The following ABTB2 variants were observed in gnomAD, a reference collection of about 807,000 sequenced individuals.
The protein encoded by ABTB2 is ankyrin repeat and BTB domain containing 2, also known as ankyrin repeat and BTB/POZ domain-containing protein 2.
A neutral mutation model predicts 104.1 loss-of-function variants in ABTB2; 56 were observed. That is an observed-to-expected ratio of 0.54 (90% CI 0.43 to 0.67). ABTB2 has a LOEUF of 0.67. Ranked by LOEUF, ABTB2 falls within the 30% of genes least tolerant of loss-of-function variation. The pLI is 0.00. For synonymous variants in ABTB2, 606 were observed against 608.2 expected, an observed-to-expected ratio of 1.00 and a Z score of 0.05; for missense variants, 1,279 against 1,407.7, an observed-to-expected ratio of 0.91 and a Z score of 1.46.
chr11:34,355,186 C>T (rs1855450710), intron 1 of ABTB2, among the ~76,000 whole-genome samples: 1 of 152,132 alleles, frequency 6.6e-6, no homozygotes, highest in African/African-American at 2.4e-5. Flanking sequence ...TCAAAATGGG[C>T]CTAACATGTC....
intron 5 of ABTB2, among the ~76,000 whole-genome samples, chr11:34,169,009 C>A (rs931948057): frequency 4.6e-5 from 7 of 152,336 alleles, no homozygotes; most frequent in African/African-American, 1.7e-4. Flanking sequence ...AAGCAATGGC[C>A]TGAGATTAAT....
intron 1 of ABTB2, among the ~76,000 whole-genome samples, chr11:34,290,685 AT>A (rs1273760368): frequency 6.6e-6 from 1 of 152,198 alleles, no homozygotes; most frequent in Non-Finnish European, 1.5e-5. Flanking sequence ...TCTATAAAAA[AT>A]GAAAAAAGAA....
Position 34,158,466 on chromosome 11 carries a change from CTG to C in ABTB2, c.2697+828_2697+829del, listed in dbSNP as rs905202880. Among the ~76,000 whole-genome samples, 3 of 152,174 alleles carry C rather than the reference CTG, an allele frequency of 2.0e-5. 1 individual carries two copies. The highest frequency in any genetic ancestry group is 3.9e-4 in the East Asian group (2 of 5,188). On this transcript the variant is annotated intron_variant, in intron 14 of 16. Coordinates refer to ENST00000435224, the MANE Select transcript of ABTB2 (RefSeq NM_145804.3). ...TGGCCCCATGTGCTTCTGTGAGACT[CTG>C]GGGTTTGCAATCTCTCCTATTATAT... is the stretch of plus-strand genomic sequence containing the variant.
chr11:34,285,648 G>T (rs1054043743), intron 1 of ABTB2, among the ~76,000 whole-genome samples: 1 of 152,104 alleles, frequency 6.6e-6, no homozygotes, highest in South Asian at 2.1e-4. Context: ...GCCGTCACAC[G>T]TGCACAAAAT....
intron 1 of ABTB2, among the ~76,000 whole-genome samples, chr11:34,242,978 G>A (rs923728642): frequency 6.6e-6 from 1 of 152,130 alleles, no homozygotes; most frequent in Admixed American, 6.5e-5. Context: ...AGGAAGCTGG[G>A]TGTCTCTTGT....
intron 2 of ABTB2, among the ~76,000 whole-genome samples, chr11:34,201,240 C>A (rs185145222): frequency 6.6e-6 from 1 of 151,728 alleles, no homozygotes; most frequent in Admixed American, 6.6e-5. Flanking sequence ...CCAGAAACAC[C>A]CCCCAGGCAA....
chr11:34,215,072 T>C (rs915705460), intron 1 of ABTB2, among the ~76,000 whole-genome samples: 1 of 152,226 alleles, frequency 6.6e-6, no homozygotes, highest in South Asian at 2.1e-4. Flanking sequence ...TGGGACTTTC[T>C]GTGGCATCTT....
chr11:34,268,890 G>A (rs1854279844), intron 1 of ABTB2, among the ~76,000 whole-genome samples: 1 of 152,138 alleles, frequency 6.6e-6, no homozygotes, highest in Non-Finnish European at 1.5e-5. Context: ...TTGGATGGGG[G>A]ACCCACCCTA....
chr11:34,284,912 C>G (rs911131571), intron 1 of ABTB2, among the ~76,000 whole-genome samples: 4 of 152,298 alleles, frequency 2.6e-5, no homozygotes, highest in Non-Finnish European at 5.9e-5. Context: ...TTTTTCATCA[C>G]TGACACTCAG....
At chr11:34,329,846 G>A (rs1448895635) in intron 1 of ABTB2, among the ~76,000 whole-genome samples, 1 of 152,232 alleles carries the variant, frequency 6.6e-6, no homozygotes, top group Non-Finnish European at 1.5e-5. Context: ...AACTGTGTCT[G>A]TAGCCTGCAG....
At chr11:34,249,675 T>G in intron 1 of ABTB2, among the ~76,000 whole-genome samples, 1 of 152,340 alleles carries the variant, frequency 6.6e-6, no homozygotes, top group Non-Finnish European at 1.5e-5. Flanking sequence ...GTTAGAGTCT[T>G]GCTCTGTTGC....
intron 1 of ABTB2, among the ~76,000 whole-genome samples, chr11:34,271,393 G>C (rs907835618): frequency 3.3e-5 from 5 of 152,188 alleles, no homozygotes; most frequent in Admixed American, 6.5e-5. Context: ...TCTGGCTCCA[G>C]GGGAGGGAGC....
intron 14 of ABTB2, among the ~76,000 whole-genome samples, chr11:34,158,285 C>T (rs1202801828): frequency 6.6e-6 from 1 of 152,012 alleles, no homozygotes; most frequent in East Asian, 1.9e-4. Flanking sequence ...TGGTGGCGGG[C>T]GCCTGTAGTC....
rs555288908 is a variant in ABTB2, at chr11:34,270,381, C to T, written c.884-65691G>A. On this transcript the variant is annotated intron_variant, in intron 1 of 16. Coordinates refer to ENST00000435224, the MANE Select transcript of ABTB2 (RefSeq NM_145804.3). Reference sequence around the variant, plus strand: ...TTGAGATGGAGTCTCATTCTGTTGCCCAGGCTGGAGTGCAGTGTCACGATC... The same window carrying T: ...TTGAGATGGAGTCTCATTCTGTTGCTCAGGCTGGAGTGCAGTGTCACGATC... Among the ~76,000 whole-genome samples, 3 of 151,064 alleles carry T rather than the reference C, an allele frequency of 2.0e-5. No homozygotes were observed. In the South Asian group the frequency reaches 6.3e-4, roughly 32 times the overall value.
chr11:34,180,855 T>C (rs1472900838), intron 3 of ABTB2, among the ~76,000 whole-genome samples: 1 of 152,214 alleles, frequency 6.6e-6, no homozygotes, highest in African/African-American at 2.4e-5. Context: ...CTGAGAAAGC[T>C]ATTATTCCCC....
chr11:34,214,672 T>C (rs1853528461), intron 1 of ABTB2, among the ~76,000 whole-genome samples: 1 of 151,952 alleles, frequency 6.6e-6, no homozygotes, highest in Non-Finnish European at 1.5e-5. Context: ...CCCGAAGTGC[T>C]GGGATTACAG....
chr11:34,265,332 G>A (rs1854234158), intron 1 of ABTB2, among the ~76,000 whole-genome samples: 1 of 152,182 alleles, frequency 6.6e-6, no homozygotes, highest in African/African-American at 2.4e-5. Context: ...CGGACACCAT[G>A]GCAGTTCTCA....
intron 9 of ABTB2, 78 bp downstream of exon 9, chr11:34,164,608 C>T: frequency 7.3e-7 from 1 of 1,374,892 alleles, no homozygotes; most frequent in Non-Finnish European, 9.4e-7. Context: ...TCTTTTGCTC[C>T]CATCGGGGAA....
Position 34,167,866 on chromosome 11 carries a change from C to T in ABTB2, c.1653+37G>A, listed in dbSNP as rs573099052. The T allele has an allele frequency of 3.1e-6, 5 of 1,606,748 alleles. No homozygotes were observed. The South Asian group carries it at 3.3e-5, about 11-fold the overall frequency. ...GAGCCCTCGGAGTGATCCCTGCTGG[C>T]CTAGGGCCTGGGTGCAGCTCTGTGG... On this transcript the variant is annotated intron_variant, in intron 6 of 16. Coordinates refer to ENST00000435224, the MANE Select transcript of ABTB2 (RefSeq NM_145804.3).
Sources: allele counts gnomAD v4.1 joint callset (sites outside exome capture counted in the v4.1 genomes callset), GRCh38; gene constraint gnomAD v4.1.1; transcripts MANE v1.5; gene names NCBI Gene and HGNC (gene_info 2026-07-23, HGNC 2026-07-21).